Variants in SBNO1 observed in about 807,000 individuals in gnomAD.
SBNO1 encodes the protein strawberry notch homolog 1.
A neutral mutation model predicts 173.6 loss-of-function variants in SBNO1; 23 were observed. The observed-to-expected ratio is 0.13, with a 90% CI of 0.10 to 0.19. The LOEUF is 0.19. SBNO1 is among the 10% of genes least tolerant of loss of function. The pLI is 1.00. For missense variants in SBNO1, 1,238 were observed against 1,671.2 expected (o/e 0.74, Z 4.52); for synonymous variants, 632 against 571.5 (o/e 1.11, Z -1.51).
chr12:123,297,833 T>C (rs1425138206), intron 31 of SBNO1, 145 bp downstream of exon 31: 1 of 706,892 alleles, frequency 1.4e-6, no homozygotes, highest in East Asian at 2.7e-5. Context: ...CTGTTCAACC[T>C]TGTAAGAAAT....
At chr12:123,329,063 A>C (rs1032190761) in intron 9 of SBNO1, among the ~76,000 whole-genome samples, 168 bp from the exon 10 acceptor site, 8 of 152,154 alleles carry the variant, frequency 5.3e-5, no homozygotes, top group East Asian at 1.9e-4. Flanking sequence ...ACACAACACA[A>C]ACACACAACT....
rs2048582705 is a variant in SBNO1 at position 123,295,762 on chromosome 12, C to T, written c.*146G>A. 3 of 958,888 alleles carry T rather than the reference C, an allele frequency of 3.1e-6. No individual in the cohort carries two copies. The highest frequency in any genetic ancestry group is 3.1e-6 in the Non-Finnish European group (2 of 635,956). 59.4% of individuals were successfully genotyped at this position (958,888 alleles called of 1,614,324 possible). On this transcript the variant is annotated 3_prime_UTR_variant, in exon 32 of 32. Transcript: ENST00000602398. ...TGATTTTCAGTTTTGCTATCTATTC[C>T]AGGTTTGTCCTTACTCCCAAAAAAA... is the stretch of plus-strand genomic sequence containing the variant.
chr12:123,345,803 G>T (rs1157219778), intron 3 of SBNO1, among the ~76,000 whole-genome samples: 1 of 151,938 alleles, frequency 6.6e-6, no homozygotes, highest in African/African-American at 2.4e-5. Context: ...TGAAGTAGCT[G>T]GGACTACAGG....
At position 123,364,778 on chromosome 12, in the gene SBNO1, A is replaced by G; in HGVS notation, c.-78T>C. Reference sequence around the variant, plus strand: ...GAAGGACCAGAGGCGACTGGAGCGGAGGCGGCGGTGGCGGCGGCAGCAGCG... The same window carrying G: ...GAAGGACCAGAGGCGACTGGAGCGGGGGCGGCGGTGGCGGCGGCAGCAGCG... On this transcript the variant is annotated 5_prime_UTR_variant, in exon 1 of 32. Coordinates refer to ENST00000602398, the MANE Select transcript of SBNO1 (RefSeq NM_001167856.3). 1.0e-6 allele frequency: 1 copy of G among 987,928 alleles called. No homozygotes were observed. The highest frequency in any genetic ancestry group is 1.2e-6 in the Non-Finnish European group (1 of 831,820). 61.2% of individuals were successfully genotyped at this position (987,928 alleles called of 1,614,324 possible). A position where few individuals can be genotyped will look rare whatever the true frequency, so the allele number is the denominator to read the frequency against.
At chr12:123,308,361 T>C (rs1212367919) in intron 28 of SBNO1, among the ~76,000 whole-genome samples, 1 of 152,102 alleles carries the variant, frequency 6.6e-6, no homozygotes, top group Non-Finnish European at 1.5e-5. Context: ...CTCTGTCTTA[T>C]GAAAAATGCT....
Position 123,320,781 on chromosome 12 carries a change from G to A in SBNO1, c.2409C>T (p.Ala803=). The A allele has an allele frequency of 6.2e-7, 1 of 1,610,306 alleles. No individual in the cohort carries two copies. The highest frequency in any genetic ancestry group is 8.5e-7 in the Non-Finnish European group (1 of 1,178,050). ...KSIDPDSIQS[A]LLASGLGSKR... ...TTGATCCAAGACCTGATGCTAATAA[G>A]GCACTTTGAATAGAATCTGGATCTA... Residue 803 remains alanine, a synonymous_variant, in exon 18 of 32, where the codon GCC becomes GCT. Transcript: ENST00000602398.
chr12:123,297,234 T>C (rs1178665025), intron 31 of SBNO1, among the ~76,000 whole-genome samples: 2 of 144,302 alleles, frequency 1.4e-5, no homozygotes, highest in East Asian at 4.1e-4. Flanking sequence ...TGGTGGTGCA[T>C]GCCTGTAATC....
chr12:123,344,592 T>A (rs949967194), intron 4 of SBNO1, among the ~76,000 whole-genome samples: 1 of 152,146 alleles, frequency 6.6e-6, no homozygotes, highest in African/African-American at 2.4e-5. Flanking sequence ...ACGCCTGTAA[T>A]CCCAACAACA....
At position 123,294,832 on chromosome 12, in the gene SBNO1, G is replaced by C. The variant is rs182435342; in HGVS notation, c.*1076C>G. 6.6e-6 allele frequency: 1 copy of C among 152,168 alleles called. No homozygotes were observed. 9.4% of individuals were successfully genotyped at this position (152,168 alleles called of 1,614,324 possible). ...TTTAACAGCTTGAGATAAACTCTACGTCTTACAACACATTAAACAATATTC... is the reference window on the plus strand; with the variant it reads ...TTTAACAGCTTGAGATAAACTCTACCTCTTACAACACATTAAACAATATTC... On this transcript the variant is annotated 3_prime_UTR_variant, in exon 32 of 32. Coordinates refer to ENST00000602398, the MANE Select transcript of SBNO1 (RefSeq NM_001167856.3).
chr12:123,317,881 T>C (rs372295986), intron 20 of SBNO1, among the ~76,000 whole-genome samples: 7 of 152,340 alleles, frequency 4.6e-5, no homozygotes, highest in Admixed American at 2.0e-4. Flanking sequence ...CTAATGCATA[T>C]GGGCCTAGAT....
chr12:123,313,538 T>G (rs758001409), intron 24 of SBNO1, 82 bp downstream of exon 24: 20 of 714,080 alleles, frequency 2.8e-5, no homozygotes, highest in Non-Finnish European at 4.6e-5. Flanking sequence ...AAAAAACTAA[T>G]ATAACAGCAA....
chr12:123,305,412 T>C (rs974595124), intron 28 of SBNO1, among the ~76,000 whole-genome samples: 8 of 152,126 alleles, frequency 5.3e-5, no homozygotes, highest in African/African-American at 1.4e-4. Flanking sequence ...TCCACACATA[T>C]GGAGGTAAAA....
chr12:123,339,056 C>A (rs1010404183), intron 5 of SBNO1, among the ~76,000 whole-genome samples: 1 of 152,060 alleles, frequency 6.6e-6, no homozygotes, highest in Non-Finnish European at 1.5e-5. Context: ...TAAAACATTT[C>A]TTGAAGAAAT....
Position 123,327,537 on chromosome 12 carries a change from A to G in SBNO1, c.1581T>C (p.Leu527=). Residue 527 remains leucine (L), a synonymous_variant, in exon 13 of 32, where the codon CTT becomes CTC. Transcript: ENST00000602398. ...GTTGTCGAGCAATGTACATTCCTCT[A>G]AGCTTCATATCCATAGCAACTATTT... ...AMEIVAMDMK[L]RGMYIARQLS... 3.1e-6 allele frequency: 5 copies of G among 1,613,894 alleles called. No individual in the cohort carries two copies. The highest frequency in any genetic ancestry group is 4.2e-6 in the Non-Finnish European group (5 of 1,179,846).
chr12:123,309,668 T>C (rs752305250), intron 26 of SBNO1, 42 bp downstream of exon 26: 14 of 1,607,430 alleles, frequency 8.7e-6, no homozygotes, highest in Admixed American at 3.4e-5. Context: ...CACTCCACAT[T>C]TTCCCTGGGG....
At chr12:123,361,314 G>A (rs527537325) in intron 1 of SBNO1, among the ~76,000 whole-genome samples, 35 of 151,838 alleles carry the variant, frequency 2.3e-4, no homozygotes, top group African/African-American at 3.6e-4. Flanking sequence ...TTTGGGAGGC[G>A]GAGGTGGGTG....
At chr12:123,298,710 G>A (rs1449394991) in intron 30 of SBNO1, among the ~76,000 whole-genome samples, 1 of 152,146 alleles carries the variant, frequency 6.6e-6, no homozygotes, top group Non-Finnish European at 1.5e-5. Context: ...CAATAAAAAG[G>A]GTTGAATTTA....
chr12:123,331,544 C>T (rs772066824), intron 7 of SBNO1, among the ~76,000 whole-genome samples, 169 bp from the exon 8 acceptor site: 1 of 151,756 alleles, frequency 6.6e-6, no homozygotes, highest in Non-Finnish European at 1.5e-5. Flanking sequence ...TTTTTTGAGA[C>T]GGAGTCTCGC....
chr12:123,350,204 T>C, intron 2 of SBNO1, 106 bp downstream of exon 2: 2 of 1,301,280 alleles, frequency 1.5e-6, no homozygotes, highest in Admixed American at 4.1e-5. Context: ...CAGTAAGCCA[T>C]GACTGCACCA....
Sources: gnomAD v4.1 joint callset for allele counts (sites outside exome capture counted in the v4.1 genomes callset) on GRCh38, gnomAD v4.1.1 for gene constraint, MANE v1.5 for transcripts, NCBI Gene and HGNC (gene_info 2026-07-23, HGNC 2026-07-21) for gene names.